The following HMBOX1 variants were observed in gnomAD, a reference collection of about 807,000 sequenced individuals.
HMBOX1 encodes homeobox-containing protein 1.
In HMBOX1, 14 loss-of-function variants were observed where a neutral mutation model predicts 54.5. The observed-to-expected ratio is 0.26, with a 90% CI of 0.17 to 0.40. The LOEUF is 0.40. HMBOX1 is among the 10% of genes least tolerant of loss of function. The pLI, the probability that HMBOX1 is intolerant of heterozygous loss-of-function variation, is 1.00. For synonymous variants in HMBOX1, 160 were observed against 181.0 expected (o/e 0.88, Z 0.93); for missense variants, 332 against 514.4 (o/e 0.65, Z 3.43).
At chr8:28,914,741 T>A (rs900641279) in intron 1 of HMBOX1, among the ~76,000 whole-genome samples, 1 of 152,254 alleles carries the variant, frequency 6.6e-6, no homozygotes, top group Non-Finnish European at 1.5e-5. Flanking sequence ...CTTTTTTTGC[T>A]CTTATTTCAG....
chr8:28,986,224 C>T (rs1830142787), intron 4 of HMBOX1, among the ~76,000 whole-genome samples: 2 of 151,800 alleles, frequency 1.3e-5, no homozygotes, highest in Non-Finnish European at 2.9e-5. Flanking sequence ...CACATTCCTC[C>T]CTCTCTCTTC....
At chr8:28,895,674 C>CAAAAAAA (rs544463520) in intron 1 of HMBOX1, among the ~76,000 whole-genome samples, 16 of 137,286 alleles carry the variant, frequency 1.2e-4, no homozygotes, top group African/African-American at 4.3e-4. Context: ...GACTCAGTCT[C>CAAAAAAA]AAAAAAAAAA....
At chr8:28,935,628 GC>G (rs1225199260) in intron 1 of HMBOX1, among the ~76,000 whole-genome samples, 1 of 152,056 alleles carries the variant, frequency 6.6e-6, no homozygotes, top group Non-Finnish European at 1.5e-5. Context: ...CTTTGCTAAG[GC>G]CAAGTTTCTT....
intron 1 of HMBOX1, among the ~76,000 whole-genome samples, chr8:28,956,273 C>T (rs1277400227): frequency 6.6e-6 from 1 of 151,332 alleles, no homozygotes; most frequent in East Asian, 1.9e-4. Flanking sequence ...TAACTTGGAT[C>T]TGCTCTTTCT....
At chr8:28,900,074 C>A (rs969891845) in intron 1 of HMBOX1, among the ~76,000 whole-genome samples, 2 of 151,492 alleles carry the variant, frequency 1.3e-5, no homozygotes, top group African/African-American at 4.9e-5. Context: ...CATGGTGAAA[C>A]CCTGTTTCTA....
chr8:28,999,475 T>G (rs1385208261), intron 4 of HMBOX1, among the ~76,000 whole-genome samples: 2 of 152,196 alleles, frequency 1.3e-5, no homozygotes, highest in Non-Finnish European at 2.9e-5. Flanking sequence ...AAAATATTCT[T>G]CACTTTTCTC....
In HMBOX1 at chr8:28,970,044, T is replaced by G; in HGVS notation, c.25T>G (p.Leu9Val). The change falls in exon 3 of 10, where the codon TTG becomes GTG. Residue 9 changes from leucine to valine, a missense_variant and splice_region_variant. Leu to Val is a conservative substitution (Grantham distance 32). Around this residue, in one of 4 missense-constraint regions of HMBOX1, gnomAD observed 146 missense variants for 173.3 expected, o/e 0.84. Coordinates refer to ENST00000287701, the MANE Select transcript of HMBOX1 (RefSeq NM_001135726.3). This position sits in a 1 kb window ranked among gnomAD's most constrained non-coding sequence, Gnocchi z 4.3. ...TTCTTTTTATCTCTTTTTTTTTAGT[T>G]TGCTGGAAACCATGTCTCATTATAC... MLSSFPVVLLETMSHYTDE... is the reference protein window; with the variant it reads MLSSFPVVVLETMSHYTDE... The G allele has an allele frequency of 2.5e-6, 4 of 1,580,756 alleles. No individual in the cohort carries two copies. Among genetic ancestry groups the G allele is most frequent in the Non-Finnish European group, 3.5e-6 (4 of 1,156,650 alleles).
At chr8:28,994,405 T>C (rs1831479466) in intron 4 of HMBOX1, among the ~76,000 whole-genome samples, 2 of 152,314 alleles carry the variant, frequency 1.3e-5, no homozygotes, top group South Asian at 4.1e-4. Context: ...CCATTGATTC[T>C]TTGAAAATGA....
intron 2 of HMBOX1, among the ~76,000 whole-genome samples, chr8:28,968,782 C>T (rs1826884987): frequency 1.3e-5 from 2 of 152,146 alleles, no homozygotes; most frequent in Admixed American, 1.3e-4. Context: ...GAGCCTACTG[C>T]ATGCCATGCA....
At position 28,900,074 on chromosome 8, in the gene HMBOX1, C is replaced by T. The variant is rs969891845; in HGVS notation, c.-58+9396C>T. On this transcript the variant is annotated intron_variant, in intron 1 of 9. Transcript: ENST00000287701. ...GACCAGCCTGGCCAACATGGTGAAA[C>T]CCTGTTTCTATTAAAAATACTAAAA... Among the ~76,000 whole-genome samples, 8 of 151,492 alleles carry T rather than the reference C, an allele frequency of 5.3e-5. 1 individual carries two copies. The highest frequency in any genetic ancestry group is 1.2e-4 in the Non-Finnish European group (8 of 67,926).
At position 28,914,527 on chromosome 8, in the gene HMBOX1, T is replaced by C. The variant is rs531829218; in HGVS notation, c.-58+23849T>C. The stretch of plus-strand genomic sequence containing the variant: ...CACTGTTTTGCTAGGTAAGTAAATA[T>C]CTGAACACACGCCTTCACTTGTCTT... On this transcript the variant is annotated intron_variant, in intron 1 of 9. Transcript: ENST00000287701. Among the ~76,000 whole-genome samples the C allele has an allele frequency of 3.3e-5, 5 of 152,312 alleles. No homozygotes were observed. The South Asian group carries it at 8.3e-4, about 25-fold the overall frequency.
intron 1 of HMBOX1, among the ~76,000 whole-genome samples, chr8:28,936,139 T>C (rs1820369294): frequency 6.6e-6 from 1 of 152,132 alleles, no homozygotes. Context: ...TTTTTCACAA[T>C]ACTAACTGTA....
intron 4 of HMBOX1, among the ~76,000 whole-genome samples, chr8:28,993,047 TA>T (rs1831238163): frequency 2.9e-5 from 1 of 33,966 alleles, no homozygotes; most frequent in Non-Finnish European, 6.4e-5. Flanking sequence ...AATCAACACC[TA>T]GTTTTTTTTT....
intron 1 of HMBOX1, among the ~76,000 whole-genome samples, chr8:28,949,365 TCA>T (rs1192025227): frequency 6.6e-6 from 1 of 152,178 alleles, no homozygotes; most frequent in Non-Finnish European, 1.5e-5. Flanking sequence ...GTGATGTAGA[TCA>T]TAAATCAGTG....
intron 1 of HMBOX1, among the ~76,000 whole-genome samples, chr8:28,915,209 T>G (rs1402707056): frequency 6.6e-6 from 1 of 152,194 alleles, no homozygotes; most frequent in Non-Finnish European, 1.5e-5. Context: ...TTAAATATTC[T>G]AGTTACTACA....
chr8:28,919,518 T>C (rs552945412), intron 1 of HMBOX1, among the ~76,000 whole-genome samples: 1 of 152,334 alleles, frequency 6.6e-6, no homozygotes, highest in African/African-American at 2.4e-5. Context: ...GCGTTACAGA[T>C]AGCACAATGC....
In HMBOX1 at chr8:28,919,973, G is replaced by A. The variant is rs1208016625; in HGVS notation, c.-58+29295G>A. 5.6e-4 allele frequency among the ~76,000 whole-genome samples: 11 copies of A among 19,814 alleles called. No homozygotes were observed. The East Asian group carries it at 0.028, about 50-fold the overall frequency. The allele number at this position is 19,814 out of a possible 152,430, so 13.0% of individuals were successfully genotyped here. A position where few individuals can be genotyped will look rare whatever the true frequency, so the allele number is the denominator to read the frequency against. On this transcript the variant is annotated intron_variant, in intron 1 of 9. Coordinates refer to ENST00000287701, the MANE Select transcript of HMBOX1 (RefSeq NM_001135726.3). ...TATTATAAAGAACAAGTGAAGTTTT[G>A]TGTGTGTGTGTGTGTGTGTGTGTGT...
At chr8:29,019,847 G>C (rs546594226) in intron 6 of HMBOX1, among the ~76,000 whole-genome samples, 112 of 152,298 alleles carry the variant, frequency 7.4e-4, no homozygotes, top group Non-Finnish European at 1.4e-3. Context: ...TTCACTACCT[G>C]AAAGAGAGGG....
intron 1 of HMBOX1, among the ~76,000 whole-genome samples, chr8:28,893,296 T>G (rs967046875): frequency 6.6e-6 from 1 of 152,134 alleles, no homozygotes; most frequent in Non-Finnish European, 1.5e-5. Flanking sequence ...CATGTGAGAG[T>G]CATATGGTTT....
Sources: allele counts gnomAD v4.1 joint callset (sites outside exome capture counted in the v4.1 genomes callset), GRCh38; gene constraint gnomAD v4.1.1; regional missense constraint gnomAD v4.1.1; non-coding constraint Gnocchi (gnomAD v3.1); transcripts MANE v1.5; gene names NCBI Gene and HGNC (gene_info 2026-07-23, HGNC 2026-07-21).